Variants in ZMAT4 observed in about 807,000 individuals in gnomAD.
ZMAT4 encodes the protein zinc finger matrin-type protein 4.
A neutral mutation model predicts 28.7 loss-of-function variants in ZMAT4; 17 were observed. That is an observed-to-expected ratio of 0.59 (90% CI 0.41 to 0.89). ZMAT4 has a LOEUF of 0.89. Ranked by LOEUF, ZMAT4 falls within the 40% of genes least tolerant of loss-of-function variation. The probability of loss-of-function intolerance (pLI) is 0.00; values close to 1 mark genes in which losing one functional copy is unlikely to be tolerated. For synonymous variants in ZMAT4, 117 were observed against 109.2 expected, an observed-to-expected ratio of 1.07 and a Z score of -0.44; for missense variants, 240 against 283.8, an observed-to-expected ratio of 0.85 and a Z score of 1.11.
At chr8:40,545,589 C>T (rs1461060741) in intron 6 of ZMAT4, among the ~76,000 whole-genome samples, 1 of 152,078 alleles carries the variant, frequency 6.6e-6, no homozygotes, top group Non-Finnish European at 1.5e-5. Context: ...CAAATTTGGG[C>T]ATAGAAGAGC....
chr8:40,755,787 C>T lies in ZMAT4; in HGVS notation c.192+11854G>A, dbSNP rs563250532. Among the ~76,000 whole-genome samples the T allele has an allele frequency of 5.2e-4, 79 of 152,232 alleles. 1 individual carries two copies. Among genetic ancestry groups the T allele is most frequent in the Admixed American group, 5.1e-3 (78 of 15,288 alleles). On this transcript the variant is annotated intron_variant, in intron 3 of 6. Transcript: ENST00000297737. ...TGTAATTTTTATGAGCCATGATATACCCTTCTTCTTTTGATTTTTTTCAAA... is the reference window on the plus strand; with the variant it reads ...TGTAATTTTTATGAGCCATGATATATCCTTCTTCTTTTGATTTTTTTCAAA...
intron 2 of ZMAT4, among the ~76,000 whole-genome samples, chr8:40,776,666 G>T (rs1813607741): frequency 6.6e-6 from 1 of 152,182 alleles, no homozygotes; most frequent in Admixed American, 6.5e-5. Flanking sequence ...GAAGTTAAAG[G>T]TAGGGATAAG....
At chr8:40,812,840 G>A (rs1815375978) in intron 2 of ZMAT4, among the ~76,000 whole-genome samples, 1 of 152,060 alleles carries the variant, frequency 6.6e-6, no homozygotes, top group Non-Finnish European at 1.5e-5. Context: ...GCTGAGGCAG[G>A]AGAATCACTT....
rs539519496 is a variant in ZMAT4, at chr8:40,699,460, C to T, written c.193-2059G>A. 2.0e-5 allele frequency among the ~76,000 whole-genome samples: 3 copies of T among 152,016 alleles called. No individual in the cohort carries two copies. In the South Asian group the frequency reaches 6.2e-4, roughly 32 times the overall value. On this transcript the variant is annotated intron_variant, in intron 3 of 6. Coordinates refer to ENST00000297737, the MANE Select transcript of ZMAT4 (RefSeq NM_024645.3). ...CAGAAATCCCACTAATGGGTATCTA[C>T]CCAAAGGAAAAAAAAATCATTGTGT... is the stretch of plus-strand genomic sequence containing the variant.
At chr8:40,634,776 C>G (rs1019484980) in intron 5 of ZMAT4, among the ~76,000 whole-genome samples, 7 of 152,160 alleles carry the variant, frequency 4.6e-5, no homozygotes, top group African/African-American at 1.7e-4. Flanking sequence ...CGCCAATAAT[C>G]TCATACAACT....
intron 6 of ZMAT4, among the ~76,000 whole-genome samples, chr8:40,544,048 G>A (rs1015760010): frequency 1.3e-5 from 2 of 152,166 alleles, no homozygotes; most frequent in African/African-American, 4.8e-5. Context: ...AGTCAGGGAA[G>A]GGGATGCCAC....
At chr8:40,840,976 C>A (rs1398488375) in intron 1 of ZMAT4, among the ~76,000 whole-genome samples, 3 of 152,174 alleles carry the variant, frequency 2.0e-5, no homozygotes, top group Non-Finnish European at 2.9e-5. Context: ...CCACCTGGCA[C>A]CCGGGGGAGT....
intron 5 of ZMAT4, among the ~76,000 whole-genome samples, chr8:40,632,414 G>A (rs554200095): frequency 6.6e-6 from 1 of 152,258 alleles, no homozygotes; most frequent in East Asian, 1.9e-4. Context: ...AATAGTGAAA[G>A]AGAACATATG....
At chr8:40,646,960 A>G (rs1457084115) in intron 5 of ZMAT4, among the ~76,000 whole-genome samples, 1 of 152,228 alleles carries the variant, frequency 6.6e-6, no homozygotes, top group Admixed American at 6.5e-5. Flanking sequence ...GCCATAAAAC[A>G]TGTCTTAATA....
At chr8:40,586,310 C>T (rs1475259595) in intron 5 of ZMAT4, among the ~76,000 whole-genome samples, 1 of 152,132 alleles carries the variant, frequency 6.6e-6, no homozygotes, top group Admixed American at 6.6e-5. Context: ...AGCGCAACAC[C>T]ATATTAAGAG....
At chr8:40,645,375 A>G (rs528138519) in intron 5 of ZMAT4, among the ~76,000 whole-genome samples, 20 of 152,218 alleles carry the variant, frequency 1.3e-4, no homozygotes, top group Non-Finnish European at 2.5e-4. Context: ...TTAAGGTTTT[A>G]GGAAAAACCA....
intron 6 of ZMAT4, among the ~76,000 whole-genome samples, chr8:40,559,409 C>A (rs1803656478): frequency 6.6e-6 from 1 of 152,236 alleles, no homozygotes; most frequent in South Asian, 2.1e-4. Context: ...TGAACCCCTT[C>A]ATGAATATGC....
At chr8:40,649,808 C>A (rs1199360330) in intron 5 of ZMAT4, among the ~76,000 whole-genome samples, 8 of 151,998 alleles carry the variant, frequency 5.3e-5, no homozygotes, top group Non-Finnish European at 1.0e-4. Flanking sequence ...AACTGAACAA[C>A]CTGCTCCTGA....
intron 1 of ZMAT4, among the ~76,000 whole-genome samples, chr8:40,868,110 C>T (rs1220554851): frequency 1.3e-5 from 2 of 152,104 alleles, no homozygotes; most frequent in Non-Finnish European, 1.5e-5. Context: ...ATAAATAACA[C>T]ATATCCATAA....
chr8:40,639,177 C>T (rs547716069), intron 5 of ZMAT4, among the ~76,000 whole-genome samples: 1 of 152,212 alleles, frequency 6.6e-6, no homozygotes, highest in East Asian at 1.9e-4. Flanking sequence ...AGAAGGAATT[C>T]TTGCATTCAG....
chr8:40,823,684 T>C (rs1815913721), intron 2 of ZMAT4, among the ~76,000 whole-genome samples: 1 of 151,742 alleles, frequency 6.6e-6, no homozygotes, highest in South Asian at 2.1e-4. Context: ...TATATACACA[T>C]ATACATATAC....
At chr8:40,684,575 C>T (rs1311849558) in intron 4 of ZMAT4, among the ~76,000 whole-genome samples, 3 of 152,232 alleles carry the variant, frequency 2.0e-5, no homozygotes, top group Non-Finnish European at 2.9e-5. Flanking sequence ...ACACCTAATC[C>T]ATACCCCGTG....
intron 6 of ZMAT4, among the ~76,000 whole-genome samples, chr8:40,567,588 A>G (rs1007239879): frequency 6.6e-6 from 1 of 151,360 alleles, no homozygotes; most frequent in Admixed American, 6.6e-5. Context: ...AAAATTAGCT[A>G]CTCCAGAGGC....
At chr8:40,665,227 A>C (rs34373115) in intron 5 of ZMAT4, among the ~76,000 whole-genome samples, 78,200 of 150,768 alleles carry the variant, frequency 0.52, 20,533 homozygotes, top group Middle Eastern at 0.62. Flanking sequence ...ACAACAAAAA[A>C]ACACACACAC....
Sources: allele counts gnomAD v4.1 joint callset (sites outside exome capture counted in the v4.1 genomes callset), GRCh38; gene constraint gnomAD v4.1.1; transcripts MANE v1.5; gene names NCBI Gene and HGNC (gene_info 2026-07-23, HGNC 2026-07-21).